LAMA3: variants seen among roughly 807,000 people sequenced by gnomAD.
The protein encoded by LAMA3 is laminin subunit alpha 3.
A neutral mutation model predicts 402.0 loss-of-function variants in LAMA3; 281 were observed. The observed-to-expected ratio is 0.70, with a 90% confidence interval of 0.63 to 0.77. The LOEUF is 0.77. LAMA3 is among the 30% of genes least tolerant of loss of function. The pLI is 0.00. For missense variants in LAMA3, 3,840 were observed against 4,215.5 expected (o/e 0.91, Z 2.47); for synonymous variants, 1,431 against 1,558.4 (o/e 0.92, Z 1.93).
intron 69 of LAMA3, 39 bp downstream of exon 69, chr18:23,944,010 G>T: frequency 6.3e-7 from 1 of 1,592,966 alleles, no homozygotes; most frequent in Non-Finnish European, 8.6e-7. Context: ...CAGTTGGTGT[G>T]GAATTCACTG....
intron 12 of LAMA3, among the ~76,000 whole-genome samples, chr18:23,789,214 T>C (rs1337081072): frequency 6.6e-6 from 1 of 152,130 alleles, no homozygotes; most frequent in African/African-American, 2.4e-5. Flanking sequence ...CCCTCATACA[T>C]TGATGGTGGG....
At position 23,905,619 on chromosome 18, in the gene LAMA3, A is replaced by C; in HGVS notation, c.6713A>C (p.Lys2238Thr). Reference sequence around the variant, plus strand: ...GCCAAGATGACACAAAAGAAGCTAAAGCAAGGTATTAGGGGGAGTGGGCAA... The same window carrying C: ...GCCAAGATGACACAAAAGAAGCTAACGCAAGGTATTAGGGGGAGTGGGCAA... ...NEAKMTQKKL[K>T]QEVSPALNNL... The change falls in exon 52 of 75, where the codon AAG becomes ACG. Residue 2238 changes from lysine to threonine, a missense_variant. By Grantham distance (78) the Lys-to-Thr change is moderately conservative (BLOSUM62 -1). Around this residue, in one of 3 missense-constraint regions of LAMA3, gnomAD observed 891 missense variants for 857.5 expected, o/e 1.04. Coordinates refer to ENST00000313654, the MANE Select transcript of LAMA3 (RefSeq NM_198129.4). 1 of 1,592,650 alleles carries C rather than the reference A, an allele frequency of 6.3e-7. No individual in the cohort carries two copies. Among genetic ancestry groups the C allele is most frequent in the Non-Finnish European group, 8.6e-7 (1 of 1,161,108 alleles).
At chr18:23,954,207 G>A (rs1465879072) in intron 74 of LAMA3, among the ~76,000 whole-genome samples, 5 of 151,996 alleles carry the variant, frequency 3.3e-5, no homozygotes, top group Non-Finnish European at 5.9e-5. Context: ...TTCAAGACCA[G>A]CCTGGGCAAC....
At chr18:23,802,814 C>G (rs908068576) in intron 12 of LAMA3, among the ~76,000 whole-genome samples, 1 of 152,172 alleles carries the variant, frequency 6.6e-6, no homozygotes, top group Non-Finnish European at 1.5e-5. Flanking sequence ...TCAGAGAAAC[C>G]ATATGTTGTA....
chr18:23,762,355 G>A (rs566004986), intron 7 of LAMA3, among the ~76,000 whole-genome samples: 2 of 152,206 alleles, frequency 1.3e-5, no homozygotes, highest in South Asian at 2.1e-4. Flanking sequence ...TTGGGAGGCC[G>A]AGGCGGGCAG....
At chr18:23,834,023 G>A (rs747667908) in intron 24 of LAMA3, 35 bp downstream of exon 24, 1 of 1,611,844 alleles carries the variant, frequency 6.2e-7, no homozygotes, top group Non-Finnish European at 8.5e-7. Context: ...CCTCTGTAAA[G>A]GAACAATTAG....
At chr18:23,905,038 C>G (rs1381775440) in intron 51 of LAMA3, among the ~76,000 whole-genome samples, 1 of 152,094 alleles carries the variant, frequency 6.6e-6, no homozygotes, top group Non-Finnish European at 1.5e-5. Context: ...GCATTTTCAT[C>G]AGGTCATTTG....
intron 70 of LAMA3, among the ~76,000 whole-genome samples, chr18:23,947,854 C>T (rs2082763432): frequency 6.7e-6 from 1 of 148,772 alleles, no homozygotes; most frequent in Admixed American, 6.7e-5. Flanking sequence ...CTCTGTCGCC[C>T]AGGCTGGAGT....
chr18:23,916,631 C>G lies in LAMA3; in HGVS notation c.7859C>G (p.Pro2620Arg), dbSNP rs867895521. ...CCAACTCAACCACATGCTCCCATCCCAACCTTTGGACAGACAATTCAGACC... is the reference window on the plus strand; with the variant it reads ...CCAACTCAACCACATGCTCCCATCCGAACCTTTGGACAGACAATTCAGACC... Reference protein sequence around the residue: ...RVPTQPHAPIPTFGQTIQTTV... With the variant: ...RVPTQPHAPIRTFGQTIQTTV... Residue 2620 changes from proline to arginine, a missense_variant, in exon 60 of 75, where the codon CCA becomes CGA. Physicochemically the swap from Pro to Arg is moderately radical, Grantham distance 103. Transcript: ENST00000313654. 1 of 1,613,986 alleles carries G rather than the reference C, an allele frequency of 6.2e-7. No homozygotes were observed. Among genetic ancestry groups the G allele is most frequent in the African/African-American group, 1.3e-5 (1 of 74,912 alleles).
intron 52 of LAMA3, among the ~76,000 whole-genome samples, chr18:23,906,714 C>A (rs2081260633): frequency 6.6e-6 from 1 of 152,144 alleles, no homozygotes; most frequent in African/African-American, 2.4e-5. Flanking sequence ...AAAGTACTAA[C>A]ATACAATCAT....
At chr18:23,743,269 GCCA>G (rs1298230175) in intron 2 of LAMA3, among the ~76,000 whole-genome samples, 3 of 152,170 alleles carry the variant, frequency 2.0e-5, no homozygotes, top group Admixed American at 2.0e-4. Flanking sequence ...GAGTCACATA[GCCA>G]GTGGGTGACA....
chr18:23,860,561 CT>C (rs2064193793), intron 34 of LAMA3, among the ~76,000 whole-genome samples: 1 of 150,892 alleles, frequency 6.6e-6, no homozygotes, highest in South Asian at 2.1e-4. Flanking sequence ...ACCCGGCCTT[CT>C]TTGGGCATTT....
At position 23,689,875 on chromosome 18, in the gene LAMA3, CA is replaced by C. The variant is rs1430418448; in HGVS notation, c.193del (p.Thr65ProfsTer93). ...AGGCGGCGAGGATTTGGGCCACCGCCACCTGCGGGGAGAGGGGACCCGGCGA... is the reference window on the plus strand; with the variant it reads ...AGGCGGCGAGGATTTGGGCCACCGCCCCTGCGGGGAGAGGGGACCCGGCGA... ...AEAARIWATA[T>X]CGERGPGEGR... On this transcript the variant is annotated frameshift_variant, in exon 1 of 75. Coordinates refer to ENST00000313654, the MANE Select transcript of LAMA3 (RefSeq NM_198129.4). LOFTEE classifies it high-confidence loss of function. The C allele has an allele frequency of 6.5e-7, 1 of 1,545,172 alleles. No individual in the cohort carries two copies. The highest frequency in any genetic ancestry group is 8.7e-7 in the Non-Finnish European group (1 of 1,145,500).
At chr18:23,702,458 G>A (rs1282960187) in intron 1 of LAMA3, among the ~76,000 whole-genome samples, 1 of 151,952 alleles carries the variant, frequency 6.6e-6, no homozygotes, top group Non-Finnish European at 1.5e-5. Context: ...CAAGTAGCTG[G>A]GACTACAGGT....
chr18:23,750,929 C>A lies in LAMA3; in HGVS notation c.696C>A (p.Ser232=). ...VPLENGEVVV[S]LINGRPGAKN... The stretch of plus-strand genomic sequence containing the variant: ...TGTGGTCATTTTAGGTTGTGGTGTC[C>A]TTGATAAACGGTCGTCCAGGTGCAA... Residue 232 remains serine (S), a synonymous_variant, in exon 5 of 75, where the codon TCC becomes TCA. Coordinates refer to ENST00000313654, the MANE Select transcript of LAMA3 (RefSeq NM_198129.4). The A allele has an allele frequency of 2.5e-6, 4 of 1,613,952 alleles. No homozygotes were observed. Among genetic ancestry groups the A allele is most frequent in the Non-Finnish European group, 3.4e-6 (4 of 1,179,982 alleles).
At chr18:23,722,530 CA>C (rs1407118664) in intron 2 of LAMA3, among the ~76,000 whole-genome samples, 1 of 152,228 alleles carries the variant, frequency 6.6e-6, no homozygotes, top group Non-Finnish European at 1.5e-5. Context: ...TTGCTATCAT[CA>C]TGGACAGCTC....
chr18:23,885,056 A>T (rs1424470163), intron 41 of LAMA3, among the ~76,000 whole-genome samples: 2 of 151,996 alleles, frequency 1.3e-5, no homozygotes, highest in African/African-American at 2.4e-5. Context: ...CGTTTCAGAA[A>T]ACTGAGAATG....
At chr18:23,748,328 G>A (rs909542743) in intron 3 of LAMA3, among the ~76,000 whole-genome samples, 4 of 151,174 alleles carry the variant, frequency 2.6e-5, no homozygotes, top group Non-Finnish European at 4.4e-5. Flanking sequence ...GGCTGAGGTC[G>A]GATTATCACT....
At chr18:23,805,017 A>G (rs1400378389) in intron 12 of LAMA3, among the ~76,000 whole-genome samples, 1 of 152,218 alleles carries the variant, frequency 6.6e-6, no homozygotes, top group Non-Finnish European at 1.5e-5. Context: ...ACCTAGCCCC[A>G]GGTATTTCTT....
Sources: gnomAD v4.1 joint callset for allele counts (sites outside exome capture counted in the v4.1 genomes callset) on GRCh38, gnomAD v4.1.1 for gene constraint, gnomAD v4.1.1 regional missense constraint, MANE v1.5 for transcripts, NCBI Gene and HGNC (gene_info 2026-07-23, HGNC 2026-07-21) for gene names.